Variants in NDST1 observed in about 807,000 individuals in gnomAD.
NDST1 encodes bifunctional heparan sulfate N-deacetylase/N-sulfotransferase 1.
A neutral mutation model predicts 92.8 loss-of-function variants in NDST1; 35 were observed. The ratio of observed to expected loss-of-function variants is 0.38; its 90% CI spans 0.29 to 0.50. NDST1 has a LOEUF of 0.50. Among genes scored for constraint, NDST1 ranks in the 20% least tolerant of loss-of-function variants. The pLI, the probability that NDST1 is intolerant of heterozygous loss-of-function variation, is 0.94. For missense variants in NDST1, 822 were observed against 1,182.7 expected (o/e 0.69, Z 4.47); for synonymous variants, 493 against 500.3 (o/e 0.99, Z 0.19).
chr5:150,541,886 C>T (rs1755264566), intron 9 of NDST1, among the ~76,000 whole-genome samples: 2 of 152,220 alleles, frequency 1.3e-5, no homozygotes, highest in South Asian at 4.2e-4. Context: ...GAACCATAGC[C>T]TCAGGGAGCT....
intron 3 of NDST1, among the ~76,000 whole-genome samples, chr5:150,529,376 GC>G (rs1309952025): frequency 8.4e-6 from 1 of 118,596 alleles, no homozygotes; most frequent in African/African-American, 3.2e-5. Context: ...GGGCCACAGA[GC>G]AAGACCCTGT....
chr5:150,513,108 A>G (rs1753796571), intron 1 of NDST1, among the ~76,000 whole-genome samples: 1 of 152,022 alleles, frequency 6.6e-6, no homozygotes, highest in Non-Finnish European at 1.5e-5. Context: ...AGGTAGGAGG[A>G]TCACTTGAGC....
At chr5:150,547,887 A>C (rs1222877835) in intron 11 of NDST1, among the ~76,000 whole-genome samples, 1 of 152,052 alleles carries the variant, frequency 6.6e-6, no homozygotes, top group African/African-American at 2.4e-5. Flanking sequence ...GTTTCGCCAC[A>C]TTGGCCAGCT....
chr5:150,541,620 G>T lies in NDST1; in HGVS notation c.1800G>T (p.Thr600=). 1 of 1,614,178 alleles carries T rather than the reference G, an allele frequency of 6.2e-7. No individual in the cohort carries two copies. The highest frequency in any genetic ancestry group is 8.5e-7 in the Non-Finnish European group (1 of 1,180,032). Residue 600 remains threonine, a synonymous_variant, in exon 9 of 15, where the codon ACG becomes ACT. Transcript: ENST00000261797. ...RHKDIWSKEK[T]CDRFPKLLII... is the part of the protein sequence containing the mutation. ...AAGACATCTGGTCCAAGGAGAAGAC[G>T]TGTGACCGCTTCCCAAAGCTCCTCA...
chr5:150,546,066 C>T (rs778819779), intron 11 of NDST1, among the ~76,000 whole-genome samples: 20 of 139,628 alleles, frequency 1.4e-4, no homozygotes, highest in Non-Finnish European at 2.7e-4. Flanking sequence ...GGCCTGATCT[C>T]AACTCACTGC....
At chr5:150,515,376 A>AT (rs572996572) in intron 1 of NDST1, among the ~76,000 whole-genome samples, 341 of 152,344 alleles carry the variant, frequency 2.2e-3, no homozygotes, top group African/African-American at 7.8e-3. Flanking sequence ...TTAAAGAAAA[A>AT]TACTGTGCAA....
chr5:150,525,761 C>T (rs1046495740), intron 2 of NDST1, among the ~76,000 whole-genome samples: 17 of 152,266 alleles, frequency 1.1e-4, no homozygotes, highest in Non-Finnish European at 1.6e-4. Flanking sequence ...ACCCTGCCCC[C>T]GCCACTGACC....
In NDST1 at chr5:150,521,277, G is replaced by A. The variant is rs752084158; in HGVS notation, c.23G>A (p.Arg8Gln). Residue 8 changes from arginine to glutamine, a missense_variant, in exon 2 of 15, where the codon CGG becomes CAG. Arg to Gln is a conservative substitution (Grantham distance 43, BLOSUM62 1). Coordinates refer to ENST00000261797, the MANE Select transcript of NDST1 (RefSeq NM_001543.5). The surrounding 1 kb of genome is among the most constrained non-coding windows in gnomAD (Gnocchi z 5.9). ...AGGATGCCTGCCCTGGCATGCCTCCGGAGGCTGTGTCGGCACGTGTCCCCG... is the reference window on the plus strand; with the variant it reads ...AGGATGCCTGCCCTGGCATGCCTCCAGAGGCTGTGTCGGCACGTGTCCCCG... MPALACL[R>Q]RLCRHVSPQA... 35 of 1,611,000 alleles carry A rather than the reference G, an allele frequency of 2.2e-5. No homozygotes were observed. The East Asian group carries it at 5.1e-4, about 24-fold the overall frequency.
intron 5 of NDST1, chr5:150,535,476 A>G: frequency 1.2e-6 from 1 of 862,000 alleles, no homozygotes; most frequent in Non-Finnish European, 1.4e-6. Flanking sequence ...ACCAAGAGTC[A>G]GGAGACCTGG....
At chr5:150,548,580 A>G (rs1045871580) in intron 12 of NDST1, among the ~76,000 whole-genome samples, 192 bp downstream of exon 12, 39 of 152,160 alleles carry the variant, frequency 2.6e-4, no homozygotes, top group African/African-American at 8.0e-4. Context: ...TCTGTTGCCC[A>G]GGCTGGAGTG....
At chr5:150,509,586 C>A (rs531260755) in intron 1 of NDST1, among the ~76,000 whole-genome samples, 2 of 152,306 alleles carry the variant, frequency 1.3e-5, no homozygotes, top group South Asian at 4.2e-4. Context: ...CATCTCGGCT[C>A]ACTGTAATCT....
chr5:150,530,216 C>T (rs1330530865), intron 3 of NDST1, among the ~76,000 whole-genome samples: 1 of 152,222 alleles, frequency 6.6e-6, no homozygotes, highest in African/African-American at 2.4e-5. Flanking sequence ...TCCAGCGGTG[C>T]TGCTTTGCGC....
intron 3 of NDST1, among the ~76,000 whole-genome samples, chr5:150,528,780 G>T (rs890253954): frequency 2.0e-5 from 3 of 152,104 alleles, no homozygotes; most frequent in Non-Finnish European, 4.4e-5. Context: ...GGGTGACAGA[G>T]CAAGACTCTG....
At position 150,539,728 on chromosome 5, in the gene NDST1, T is replaced by C. The variant is rs914473707; in HGVS notation, c.1567-354T>C. 1.8e-5 allele frequency: 18 copies of C among 985,176 alleles called. No individual in the cohort carries two copies. In the Admixed American group the frequency reaches 7.4e-4, roughly 40 times the overall value. The allele number at this position is 985,176 out of a possible 1,614,324, so 61.0% of individuals were successfully genotyped here. A position where few individuals can be genotyped will look rare whatever the true frequency, so the allele number is the denominator to read the frequency against. ...TTTGTAAAATGCAAACAATTACCTC[T>C]GCTTTAATAATATTAAATAAACTTC... On this transcript the variant is annotated intron_variant, in intron 7 of 14. Transcript: ENST00000261797.
chr5:150,546,178 A>G (rs1755475377), intron 11 of NDST1, among the ~76,000 whole-genome samples: 1 of 151,870 alleles, frequency 6.6e-6, no homozygotes, highest in African/African-American at 2.4e-5. Context: ...TTGTATTTTT[A>G]GTAGAGACAG....
upstream of NDST1, among the ~76,000 whole-genome samples, chr5:150,505,939 C>T (rs1753434282): frequency 1.3e-5 from 2 of 152,014 alleles, no homozygotes; most frequent in African/African-American, 4.8e-5. Context: ...TGTCACCATG[C>T]CTGGCTTCAT....
chr5:150,515,012 C>T (rs1753894528), intron 1 of NDST1, among the ~76,000 whole-genome samples: 1 of 152,152 alleles, frequency 6.6e-6, no homozygotes, highest in African/African-American at 2.4e-5. Context: ...GTGCAGAGGT[C>T]AGTAAGCCCT....
chr5:150,518,687 A>G (rs999470482), intron 1 of NDST1: 16 of 152,234 alleles, frequency 1.1e-4, no homozygotes, highest in Admixed American at 6.5e-4. Context: ...CTTTGACAAT[A>G]CATACGGTAA....
At chr5:150,522,066 T>C (rs1754261750) in intron 2 of NDST1, among the ~76,000 whole-genome samples, 1 of 152,172 alleles carries the variant, frequency 6.6e-6, no homozygotes, top group Non-Finnish European at 1.5e-5. Context: ...GAGCATGCTC[T>C]GCTAGGTGCC....
Sources: allele counts gnomAD v4.1 joint callset (sites outside exome capture counted in the v4.1 genomes callset), GRCh38; gene constraint gnomAD v4.1.1; non-coding constraint Gnocchi (gnomAD v3.1); transcripts MANE v1.5; gene names NCBI Gene and HGNC (gene_info 2026-07-23, HGNC 2026-07-21).